Variants in F7 observed in about 807,000 individuals in gnomAD.
F7 encodes the protein FVII coagulation protein.
F7 carries 38 observed loss-of-function variants against 47.5 expected under a neutral mutation model. The ratio of observed to expected loss-of-function variants is 0.80; its 90% CI spans 0.62 to 1.05. F7 has a LOEUF of 1.05. Ranked by LOEUF, F7 falls within the 50% of genes least tolerant of loss-of-function variation. F7 has a pLI of 0.00. For missense variants in F7, 575 were observed against 605.4 expected (o/e 0.95, Z 0.53); for synonymous variants, 244 against 258.5 (o/e 0.94, Z 0.54).
At chr13:113,106,965 C>T (rs1481877040) in intron 1 of F7, 15 of 1,536,536 alleles carry the variant, frequency 9.8e-6, no homozygotes, top group South Asian at 5.9e-5. Context: ...GCCAACATCA[C>T]CTCCTTCCCC....
chr13:113,113,739 C>T lies in F7; in HGVS notation c.226-13C>T, dbSNP rs762761780. On this transcript the variant is annotated splice_polypyrimidine_tract_variant and intron_variant, in intron 2 of 7. Transcript: ENST00000346342. This position sits in a 1 kb window ranked among gnomAD's most constrained non-coding sequence, Gnocchi z 4.1. The stretch of plus-strand genomic sequence containing the variant: ...AGGTGCATCTCACGAGGCTTGCTCT[C>T]TTGTTCCTTCAGAAGCTGTTCTGGA... The T allele has an allele frequency of 1.9e-6, 3 of 1,613,954 alleles. No individual in the cohort carries two copies. Among genetic ancestry groups the T allele is most frequent in the Non-Finnish European group, 2.5e-6 (3 of 1,179,810 alleles).
In F7 at chr13:113,119,637, CAG is replaced by C. The variant is rs1316849735; in HGVS notation, c.*630_*631del. 2 of 162,956 alleles carry C rather than the reference CAG, an allele frequency of 1.2e-5. No individual in the cohort carries two copies. Among genetic ancestry groups the C allele is most frequent in the Non-Finnish European group, 2.7e-5 (2 of 75,092 alleles). 10.1% of individuals were successfully genotyped at this position (162,956 alleles called of 1,614,324 possible). ...CGCACATGCCAATGCACGCACACAT[CAG>C]TGCACACGGATGCACAGAGATATGC... On this transcript the variant is annotated 3_prime_UTR_variant, in exon 8 of 8. Transcript: ENST00000346342.
At chr13:113,110,373 G>C (rs1465375581) in intron 1 of F7, 3 of 302,470 alleles carry the variant, frequency 9.9e-6, no homozygotes, top group African/African-American at 2.2e-5. Flanking sequence ...TCTCCTCGCC[G>C]GCATCGACCC....
rs960768903 is a variant in F7 at position 113,110,997 on chromosome 13, T to C, written c.225+147T>C. On this transcript the variant is annotated intron_variant, in intron 2 of 7. Transcript: ENST00000346342. ...GCGCGGCGCTTTCTGCGGGGGTCGC[T>C]TTCCGCCCGGGGTGACTCCGCTTTC... 293 of 926,378 alleles carry C rather than the reference T, an allele frequency of 3.2e-4. 1 individual carries two copies. Among genetic ancestry groups the C allele is most frequent in the Non-Finnish European group, 4.2e-4 (273 of 649,530 alleles). The allele number at this position is 926,378 out of a possible 1,614,324, so 57.4% of individuals were successfully genotyped here. A position where few individuals can be genotyped will look rare whatever the true frequency, so the allele number is the denominator to read the frequency against.
intron 1 of F7, chr13:113,106,952 G>A (rs1414481964): frequency 1.3e-6 from 2 of 1,565,584 alleles, no homozygotes; most frequent in Admixed American, 1.8e-5. Flanking sequence ...GGGCCCAGTG[G>A]GGGCCAACAT....
chr13:113,118,268 A>G, intron 7 of F7, 145 bp from the exon 8 acceptor site: 1 of 900,948 alleles, frequency 1.1e-6, no homozygotes, highest in Non-Finnish European at 1.7e-6. Context: ...GGCTGGCCCC[A>G]CCTTGGGGTT....
rs538053809 is a variant in F7 at position 113,117,707 on chromosome 13, G to T, written c.739+111G>T. ...TCTCCCCTGTCCGACCGCGGTGCTG[G>T]GTGGGTGCCACTCTCCCCTGTCCGA... On this transcript the variant is annotated intron_variant, in intron 7 of 7. Coordinates refer to ENST00000346342, the MANE Select transcript of F7 (RefSeq NM_019616.4). The T allele has an allele frequency of 4.5e-5, 69 of 1,526,770 alleles. 2 individuals are homozygous for T. The South Asian group carries it at 8.3e-4, about 18-fold the overall frequency. 94.6% of individuals were successfully genotyped at this position (1,526,770 alleles called of 1,614,324 possible).
intron 2 of F7, among the ~76,000 whole-genome samples, chr13:113,111,061 C>T (rs193292741): frequency 1.3e-5 from 2 of 152,204 alleles, no homozygotes; most frequent in East Asian, 1.9e-4. Context: ...GCGCTCTCCC[C>T]GTGCGGCCGC....
In F7 at chr13:113,113,236, G is replaced by A. The variant is rs1487293005; in HGVS notation, c.226-516G>A. 6.6e-6 allele frequency among the ~76,000 whole-genome samples: 1 copy of A among 152,218 alleles called. No individual in the cohort carries two copies. The stretch of plus-strand genomic sequence containing the variant: ...ACCCTTTCCAGACAAATTGAGGATG[G>A]TCATGCCTAGCATTTTTATACACCT... On this transcript the variant is annotated intron_variant, in intron 2 of 7. Coordinates refer to ENST00000346342, the MANE Select transcript of F7 (RefSeq NM_019616.4). The surrounding 1 kb of genome is among the most constrained non-coding windows in gnomAD (Gnocchi z 4.1).
At chr13:113,107,312 T>A (rs3116666) in intron 1 of F7, among the ~76,000 whole-genome samples, 31 of 68,922 alleles carry the variant, frequency 4.5e-4, no homozygotes, top group Admixed American at 7.3e-4. Flanking sequence ...CCCGGGGGCG[T>A]GGGTGTCCCG....
Position 113,110,781 on chromosome 13 carries a change from G to A in F7, c.156G>A (p.Glu52=), listed in dbSNP as rs1340103237. The change falls in exon 2 of 8, where the codon GAG becomes GAA. Residue 52 remains glutamate (E), a synonymous_variant. Transcript: ENST00000346342. ...AGGAGCTGCGGCCGGGCTCCCTGGA[G>A]AGGGAGTGCAAGGAGGAGCAGTGCT... is the stretch of plus-strand genomic sequence containing the variant. The part of the protein sequence containing the change: ...FLEELRPGSL[E]RECKEEQCSF... The A allele has an allele frequency of 2.6e-6, 4 of 1,552,068 alleles. No individual in the cohort carries two copies. Among genetic ancestry groups the A allele is most frequent in the Non-Finnish European group, 1.7e-6 (2 of 1,148,278 alleles).
At chr13:113,117,431 T>G in intron 6 of F7, 42 bp from the exon 7 acceptor site, 1 of 1,609,382 alleles carries the variant, frequency 6.2e-7, no homozygotes, top group Non-Finnish European at 8.5e-7. Flanking sequence ...AGAGAAACAA[T>G]GACAGCAATG....
intron 1 of F7, among the ~76,000 whole-genome samples, chr13:113,109,618 C>A (rs1395366316): frequency 6.6e-6 from 1 of 152,212 alleles, no homozygotes; most frequent in Non-Finnish European, 1.5e-5. Flanking sequence ...CCTCGTCCTC[C>A]CAGCAAAGGT....
Position 113,118,489 on chromosome 13 carries a change from C to G in F7, c.816C>G (p.Tyr272Ter). ...CGCAGGTCATCATCCCCAGCACGTA[C>G]GTCCCGGGCACCACCAACCACGACA... ...RVAQVIIPST[Y>*]VPGTTNHDIA... The change falls in exon 8 of 8, where the codon TAC becomes TAG. Residue 272 changes from tyrosine (Y) to a stop codon, truncating the protein, a stop_gained. Transcript: ENST00000346342. LOFTEE classifies it high-confidence loss of function. 6.2e-7 allele frequency: 1 copy of G among 1,610,142 alleles called. No homozygotes were observed. The highest frequency in any genetic ancestry group is 8.5e-7 in the Non-Finnish European group (1 of 1,179,670).
Position 113,113,469 on chromosome 13 carries a change from G to A in F7, c.226-283G>A, listed in dbSNP as rs983946387. ...CTGTGGCTCAGAGCCTGTGTACCTC[G>A]TCCCAGGTCCACAGCTCAGCGACAG... On this transcript the variant is annotated intron_variant, in intron 2 of 7. Coordinates refer to ENST00000346342, the MANE Select transcript of F7 (RefSeq NM_019616.4). The surrounding 1 kb of genome is among the most constrained non-coding windows in gnomAD (Gnocchi z 4.1). Among the ~76,000 whole-genome samples the A allele has an allele frequency of 6.6e-6, 1 of 152,180 alleles. No individual in the cohort carries two copies. The highest frequency in any genetic ancestry group is 1.5e-5 in the Non-Finnish European group (1 of 68,034).
intron 1 of F7, among the ~76,000 whole-genome samples, chr13:113,106,290 C>T (rs1356249892): frequency 2.9e-5 from 2 of 68,164 alleles, no homozygotes; most frequent in East Asian, 8.7e-4. Flanking sequence ...TGGGGGATGG[C>T]GCCTGGGGCA....
intron 5 of F7, 71 bp from the exon 6 acceptor site, chr13:113,116,695 T>A (rs1457502331): frequency 4.8e-6 from 6 of 1,257,152 alleles, no homozygotes; most frequent in Non-Finnish European, 7.0e-6. Context: ...GATGGGTGTT[T>A]CTGAATCTTT....
At chr13:113,114,366 A>G (rs770052104) in intron 4 of F7, among the ~76,000 whole-genome samples, 1 of 151,504 alleles carries the variant, frequency 6.6e-6, no homozygotes, top group Non-Finnish European at 1.5e-5. Flanking sequence ...TTAAATTATC[A>G]CAAAGTTTGA....
rs543318687 is a variant in F7, at chr13:113,116,187, G to C, written c.505+387G>C. Among the ~76,000 whole-genome samples, 5 of 152,334 alleles carry C rather than the reference G, an allele frequency of 3.3e-5. No individual in the cohort carries two copies. The South Asian group carries it at 1.0e-3, about 32-fold the overall frequency. On this transcript the variant is annotated intron_variant, in intron 5 of 7. Coordinates refer to ENST00000346342, the MANE Select transcript of F7 (RefSeq NM_019616.4). ...TTCCAAAACTCGTAAAGGCTCCTGG[G>C]AAAATGGGATGTTTCTCCAAACCAG...
Sources: gnomAD v4.1 joint callset for allele counts (sites outside exome capture counted in the v4.1 genomes callset) on GRCh38, gnomAD v4.1.1 for gene constraint, Gnocchi (gnomAD v3.1) non-coding constraint, MANE v1.5 for transcripts, NCBI Gene and HGNC (gene_info 2026-07-23, HGNC 2026-07-21) for gene names.